ZC3H4: variants seen among roughly 807,000 people sequenced by gnomAD.
ZC3H4 encodes zinc finger CCCH-type containing 4.
Under a neutral mutation model 108.3 loss-of-function variants are expected in ZC3H4, and 13 were observed. The observed-to-expected ratio is 0.12, with a 90% CI of 0.08 to 0.19. ZC3H4 has a LOEUF of 0.19. ZC3H4 is among the 10% of genes least tolerant of loss of function. ZC3H4 has a pLI of 1.00. For synonymous variants in ZC3H4, 917 were observed against 749.6 expected (o/e 1.22, Z -3.65); for missense variants, 1,734 against 1,838.8 (o/e 0.94, Z 1.04).
chr19:47,105,985 A>G (rs1016976753), intron 2 of ZC3H4, among the ~76,000 whole-genome samples: 3 of 152,234 alleles, frequency 2.0e-5, no homozygotes, highest in Admixed American at 6.5e-5. Context: ...CTCTGCCTGC[A>G]GCACACACTT....
In ZC3H4 at chr19:47,066,808, G is replaced by A. The variant is rs1362306944; in HGVS notation, c.3460C>T (p.Pro1154Ser). 4 of 1,600,352 alleles carry A rather than the reference G, an allele frequency of 2.5e-6. No homozygotes were observed. The highest frequency in any genetic ancestry group is 1.7e-5 in the Admixed American group (1 of 59,586). Residue 1154 changes from proline to serine, a missense_variant, in exon 15 of 15, where the codon CCC becomes TCC. Physicochemically the swap from Pro to Ser is moderately conservative, Grantham distance 74. Coordinates refer to ENST00000253048, the MANE Select transcript of ZC3H4 (RefSeq NM_015168.2). ...SGISLYDPRT[P>S]NAGGKATEPA... ...TCTGTGGCTTTGCCCCCCGCGTTGG[G>A]AGTCCTCGGGTCGTAGAGGCTGATA...
rs1369711181 is a variant in ZC3H4, at chr19:47,069,106, C to G, written c.2384G>C (p.Arg795Pro). The change falls in exon 14 of 15, where the codon CGG becomes CCG. Residue 795 changes from arginine (R) to proline (P), a missense_variant. Physicochemically the swap from Arg to Pro is moderately radical, Grantham distance 103. This residue lies in a region of ZC3H4 where 540 missense variants were observed against 484.1 expected (regional missense o/e 1.12). Coordinates refer to ENST00000253048, the MANE Select transcript of ZC3H4 (RefSeq NM_015168.2). ...RRLAESSKQD[R>P]ENEEGDTGNW... is the part of the protein sequence containing the mutation. Reference sequence around the variant, plus strand: ...CGGACACGTGCCTTCCTCATTCTCCCGGTCCTGCTTGCTGCTCTCAGCCAG... The same window carrying G: ...CGGACACGTGCCTTCCTCATTCTCCGGGTCCTGCTTGCTGCTCTCAGCCAG... The G allele has an allele frequency of 1.9e-6, 3 of 1,603,802 alleles. No homozygotes were observed. Among genetic ancestry groups the G allele is most frequent in the South Asian group, 1.1e-5 (1 of 91,078 alleles).
At chr19:47,112,663 G>C (rs920334377) in intron 1 of ZC3H4, 74 bp from the exon 2 acceptor site, 2 of 1,029,298 alleles carry the variant, frequency 1.9e-6, no homozygotes, top group East Asian at 3.3e-5. Flanking sequence ...ACTTAAGCTC[G>C]GAGGGCTCCT....
At position 47,081,625 on chromosome 19, in the gene ZC3H4, T is replaced by G; in HGVS notation, c.1331-3A>C. ...GTACAGCTTACACGGGAAATCACGT[T>G]CATGGCAAATTAAGGTAAATGCTTC... is the stretch of plus-strand genomic sequence containing the variant. On this transcript the variant is annotated splice_region_variant and splice_polypyrimidine_tract_variant and intron_variant, in intron 10 of 14. Transcript: ENST00000253048. The G allele has an allele frequency of 1.2e-6, 2 of 1,613,466 alleles. No homozygotes were observed. Among genetic ancestry groups the G allele is most frequent in the Non-Finnish European group, 1.7e-6 (2 of 1,179,376 alleles).
At position 47,069,255 on chromosome 19, in the gene ZC3H4, C is replaced by A. The variant is rs749413314; in HGVS notation, c.2235G>T (p.Glu745Asp). 2 of 1,613,904 alleles carry A rather than the reference C, an allele frequency of 1.2e-6. No individual in the cohort carries two copies. The highest frequency in any genetic ancestry group is 2.2e-5 in the East Asian group (1 of 44,872). Reference sequence around the variant, plus strand: ...GCTTCGGCCGGCCTGGGGGCCCTCCCTCAGAGAAGCTGTCGGGCTCCAGAG... The same window carrying A: ...GCTTCGGCCGGCCTGGGGGCCCTCCATCAGAGAAGCTGTCGGGCTCCAGAG... ...EHPLEPDSFS[E>D]GGPPGRPKPG... is the part of the protein sequence containing the mutation. Residue 745 changes from glutamate (E) to aspartate (D), a missense_variant, in exon 14 of 15, where the codon GAG becomes GAT. Coordinates refer to ENST00000253048, the MANE Select transcript of ZC3H4 (RefSeq NM_015168.2).
rs760833260 is a variant in ZC3H4 at position 47,072,310 on chromosome 19, G to C, written c.1802+42C>G. 11 of 1,590,392 alleles carry C rather than the reference G, an allele frequency of 6.9e-6. No individual in the cohort carries two copies. Among genetic ancestry groups the C allele is most frequent in the Non-Finnish European group, 7.7e-6 (9 of 1,165,846 alleles). On this transcript the variant is annotated intron_variant, in intron 12 of 14. Transcript: ENST00000253048. The surrounding 1 kb of genome is among the most constrained non-coding windows in gnomAD (Gnocchi z 5.6). ...AACAAGAGGAGCCTGGCTGGGCCCA[G>C]GACAGCGCCCACTGCCTGTCACGGG...
chr19:47,111,627 G>A (rs910115688), intron 2 of ZC3H4, among the ~76,000 whole-genome samples: 15 of 135,854 alleles, frequency 1.1e-4, no homozygotes, highest in African/African-American at 3.2e-4. Context: ...GCAAAAACAC[G>A]GGGAAGAGTC....
intron 2 of ZC3H4, among the ~76,000 whole-genome samples, chr19:47,103,917 C>T (rs2057936408): frequency 1.3e-5 from 2 of 151,696 alleles, no homozygotes; most frequent in Admixed American, 1.3e-4. Context: ...GCACTCCGGC[C>T]TGGGTGAAAG....
At chr19:47,084,591 A>ATCTAACACGGAGGCTGCG in intron 8 of ZC3H4, 136 bp from the exon 9 acceptor site, 1 of 812,946 alleles carries the variant, frequency 1.2e-6, no homozygotes. Flanking sequence ...GGCAGGCTGC[A>ATCTAACACGGAGGCTGCG]TCTAACACGG....
chr19:47,111,310 G>C (rs539287673), intron 2 of ZC3H4, among the ~76,000 whole-genome samples: 1 of 152,210 alleles, frequency 6.6e-6, no homozygotes, highest in East Asian at 1.9e-4. Flanking sequence ...CCTGAAACGC[G>C]CCGGGCTGAC....
At position 47,098,960 on chromosome 19, in the gene ZC3H4, G is replaced by C. The variant is rs534790704; in HGVS notation, c.162-4352C>G. Among the ~76,000 whole-genome samples the C allele has an allele frequency of 2.0e-5, 3 of 152,196 alleles. No homozygotes were observed. In the South Asian group the frequency reaches 6.2e-4, roughly 32 times the overall value. ...TCTGTAACCTGAGCCTTGCTTTTCTGATCTACTGAATGGGATAACAGCAGC... is the reference window on the plus strand; with the variant it reads ...TCTGTAACCTGAGCCTTGCTTTTCTCATCTACTGAATGGGATAACAGCAGC... On this transcript the variant is annotated intron_variant, in intron 2 of 14. Coordinates refer to ENST00000253048, the MANE Select transcript of ZC3H4 (RefSeq NM_015168.2).
chr19:47,101,740 G>A (rs1167839088), intron 2 of ZC3H4, among the ~76,000 whole-genome samples: 2 of 151,406 alleles, frequency 1.3e-5, no homozygotes, highest in Admixed American at 6.6e-5. Flanking sequence ...GCGTGGTGGC[G>A]CACGACTGTA....
chr19:47,110,011 G>C (rs1218738887), intron 2 of ZC3H4, among the ~76,000 whole-genome samples: 1 of 152,186 alleles, frequency 6.6e-6, no homozygotes, highest in Non-Finnish European at 1.5e-5. Context: ...TAACACGTTT[G>C]CATCAACTTT....
At position 47,098,718 on chromosome 19, in the gene ZC3H4, C is replaced by T. The variant is rs147673840; in HGVS notation, c.162-4110G>A. On this transcript the variant is annotated intron_variant, in intron 2 of 14. Transcript: ENST00000253048. ...GGCGGAGATTGCAGTGAGCCAAGAT[C>T]GCGCCACTGCACTTCAGTCTGGGTG... is the stretch of plus-strand genomic sequence containing the variant. Among the ~76,000 whole-genome samples, 6 of 152,232 alleles carry T rather than the reference C, an allele frequency of 3.9e-5. No homozygotes were observed. The East Asian group carries it at 7.7e-4, about 20-fold the overall frequency.
chr19:47,066,969 G>C lies in ZC3H4; in HGVS notation c.3299C>G (p.Ala1100Gly). 1.3e-6 allele frequency: 2 copies of C among 1,590,352 alleles called. No individual in the cohort carries two copies. The highest frequency in any genetic ancestry group is 1.1e-5 in the South Asian group (1 of 88,860). The change falls in exon 15 of 15, where the codon GCT (alanine) becomes GGT (glycine). Residue 1100 changes from alanine to glycine, a missense_variant. By Grantham distance (60) the Ala-to-Gly change is moderately conservative. Around this residue, in one of 9 missense-constraint regions of ZC3H4, gnomAD observed 518 missense variants for 499.6 expected, o/e 1.04. Transcript: ENST00000253048. The part of the protein sequence containing the change: ...ASSRAAKPGP[A>G]EAPSPTASPS... ...GCTGGCGGTGGGAGAGGGCGCCTCAGCAGGGCCGGGCTTGGCAGCCCGGGA... is the reference window on the plus strand; with the variant it reads ...GCTGGCGGTGGGAGAGGGCGCCTCACCAGGGCCGGGCTTGGCAGCCCGGGA...
chr19:47,102,965 C>G (rs1305018978), intron 2 of ZC3H4, among the ~76,000 whole-genome samples: 2 of 152,062 alleles, frequency 1.3e-5, no homozygotes, highest in Non-Finnish European at 2.9e-5. Context: ...ACAGGCTGAC[C>G]GTGAAAAAAC....
rs139035097 is a variant in ZC3H4, at chr19:47,109,951, G to A, written c.161+2473C>T. Among the ~76,000 whole-genome samples the A allele has an allele frequency of 3.8e-4, 58 of 152,208 alleles. No homozygotes were observed. In the East Asian group the frequency reaches 9.8e-3, roughly 26 times the overall value. On this transcript the variant is annotated intron_variant, in intron 2 of 14. Coordinates refer to ENST00000253048, the MANE Select transcript of ZC3H4 (RefSeq NM_015168.2). Reference sequence around the variant, plus strand: ...GTTTTTTCCTTGTTACGTGGAGGCCGGGGGGACTGGGGGCTGGAGGAGGTG... The same window carrying A: ...GTTTTTTCCTTGTTACGTGGAGGCCAGGGGGACTGGGGGCTGGAGGAGGTG...
At chr19:47,071,083 C>T (rs1209282029) in intron 13 of ZC3H4, among the ~76,000 whole-genome samples, 1 of 152,234 alleles carries the variant, frequency 6.6e-6, no homozygotes, top group Non-Finnish European at 1.5e-5. Flanking sequence ...ACTATCCCCA[C>T]TGAGGCACTG....
intron 11 of ZC3H4, among the ~76,000 whole-genome samples, chr19:47,077,861 CA>C (rs767129835): frequency 0.057 from 4,146 of 72,372 alleles, 156 homozygotes; most frequent in African/African-American, 0.15. Flanking sequence ...CCGTCTCAAA[CA>C]AAAAAAAAAA....
Sources: allele counts gnomAD v4.1 joint callset (sites outside exome capture counted in the v4.1 genomes callset), GRCh38; gene constraint gnomAD v4.1.1; regional missense constraint gnomAD v4.1.1; non-coding constraint Gnocchi (gnomAD v3.1); transcripts MANE v1.5; gene names NCBI Gene and HGNC (gene_info 2026-07-23, HGNC 2026-07-21).